The following CDH10 variants were observed in gnomAD, a reference collection of about 807,000 sequenced individuals.
CDH10 encodes the protein cadherin 10.
A neutral mutation model predicts 73.1 loss-of-function variants in CDH10; 30 were observed. The observed-to-expected ratio is 0.41, with a 90% confidence interval of 0.31 to 0.56. CDH10 has a LOEUF of 0.56. Among genes scored for constraint, CDH10 ranks in the 20% least tolerant of loss-of-function variants. The pLI is 0.27. For missense variants in CDH10, 815 were observed against 973.7 expected (o/e 0.84, Z 2.17); for synonymous variants, 345 against 348.2 (o/e 0.99, Z 0.10).
chr5:24,545,673 C>A (rs923418265), intron 2 of CDH10, among the ~76,000 whole-genome samples: 2 of 151,742 alleles, frequency 1.3e-5, no homozygotes, highest in African/African-American at 4.8e-5. Flanking sequence ...ATTAGCCAGT[C>A]ATGGTGGCAT....
chr5:24,613,118 A>G (rs1747004898), intron 1 of CDH10: 1 of 151,930 alleles, frequency 6.6e-6, no homozygotes, highest in African/African-American at 2.4e-5. Flanking sequence ...TTTTCATTCC[A>G]TTCCTACTGA....
intron 1 of CDH10, among the ~76,000 whole-genome samples, chr5:24,639,619 A>C (rs971745782): frequency 6.6e-5 from 10 of 151,750 alleles, no homozygotes; most frequent in Non-Finnish European, 1.2e-4. Flanking sequence ...TGGAAACAAA[A>C]GCAATGGTAG....
chr5:24,601,265 A>G (rs962782428), intron 1 of CDH10, among the ~76,000 whole-genome samples: 5 of 152,160 alleles, frequency 3.3e-5, no homozygotes, highest in Admixed American at 2.0e-4. Flanking sequence ...TTTTTCTCCC[A>G]TGGGTTAATA....
chr5:24,599,915 A>G (rs2112111643), intron 1 of CDH10, among the ~76,000 whole-genome samples: 1 of 152,272 alleles, frequency 6.6e-6, no homozygotes, highest in Non-Finnish European at 1.5e-5. Context: ...TCTTATCTCT[A>G]TGTGTAGTCC....
At chr5:24,616,080 T>G (rs1303774971) in intron 1 of CDH10, among the ~76,000 whole-genome samples, 1 of 151,970 alleles carries the variant, frequency 6.6e-6, no homozygotes, top group African/African-American at 2.4e-5. Context: ...TTAAAAAAAG[T>G]ATATATTTCA....
chr5:24,634,518 GA>G lies in CDH10; in HGVS notation c.-124+10075del, dbSNP rs906593595. Among the ~76,000 whole-genome samples the G allele has an allele frequency of 2.7e-5, 4 of 150,794 alleles. No homozygotes were observed. In the East Asian group the frequency reaches 7.8e-4, roughly 29 times the overall value. On this transcript the variant is annotated intron_variant, in intron 1 of 11. Transcript: ENST00000264463. ...TTGCCAAATATTATAGTGAAGTTGT[GA>G]AAAAAAACAATCCTATAAAATGGCC...
In CDH10 at chr5:24,505,155, T is replaced by C. The variant is rs2111726016; in HGVS notation, c.1350A>G (p.Glu450=). ...SLYTSKPLDR[E]LSQWHNLTVI... ...CAGTAAGATTATGCCACTGAGATAG[T>C]TCACGGTCAAGAGGTTTTGATGTAT... Residue 450 remains glutamate (E), a synonymous_variant, in exon 8 of 12, where the codon GAA becomes GAG. Transcript: ENST00000264463. 1 of 1,612,708 alleles carries C rather than the reference T, an allele frequency of 6.2e-7. No homozygotes were observed. Among genetic ancestry groups the C allele is most frequent in the East Asian group, 2.2e-5 (1 of 44,788 alleles).
chr5:24,551,245 A>G (rs1294293991), intron 2 of CDH10, among the ~76,000 whole-genome samples: 1 of 152,034 alleles, frequency 6.6e-6, no homozygotes, highest in Non-Finnish European at 1.5e-5. Context: ...CCTCACTTAT[A>G]ATTTTATAGA....
chr5:24,499,466 A>C (rs1191436688), intron 8 of CDH10: 1 of 152,624 alleles, frequency 6.6e-6, no homozygotes, highest in Non-Finnish European at 1.5e-5. Context: ...CAGGTGCATC[A>C]CTTGAGGTCA....
At position 24,537,713 on chromosome 5, in the gene CDH10, T is replaced by A. The variant is rs1744010521; in HGVS notation, c.232-39A>T. ...AAAAGAGTATATCCATGATCATGTA[T>A]AAAGGTGCAGGATGCTGAAAGAATT... On this transcript the variant is annotated intron_variant, in intron 2 of 11. Coordinates refer to ENST00000264463, the MANE Select transcript of CDH10 (RefSeq NM_006727.5). 3.8e-6 allele frequency: 5 copies of A among 1,318,960 alleles called. No individual in the cohort carries two copies. The East Asian group carries it at 1.2e-4, about 31-fold the overall frequency. The allele number at this position is 1,318,960 out of a possible 1,614,324, so 81.7% of individuals were successfully genotyped here.
chr5:24,627,995 G>A (rs1329666068), intron 1 of CDH10, among the ~76,000 whole-genome samples: 3 of 152,036 alleles, frequency 2.0e-5, no homozygotes, highest in African/African-American at 4.8e-5. Flanking sequence ...TTATGGCATC[G>A]TGGTAATAAC....
intron 5 of CDH10, among the ~76,000 whole-genome samples, chr5:24,526,163 C>T (rs1743524015): frequency 6.6e-6 from 1 of 151,916 alleles, no homozygotes; most frequent in African/African-American, 2.4e-5. Flanking sequence ...TTTATACCTA[C>T]TGAGGGATAC....
At chr5:24,508,902 A>C (rs1313384711) in intron 7 of CDH10, among the ~76,000 whole-genome samples, 2 of 152,192 alleles carry the variant, frequency 1.3e-5, no homozygotes, top group East Asian at 3.9e-4. Context: ...GTTTGGTTGC[A>C]TGTAAACGCA....
chr5:24,498,433 C>T lies in CDH10; in HGVS notation c.1480G>A (p.Asp494Asn), dbSNP rs182395109. The change falls in exon 9 of 12, where the codon GAC (aspartate) becomes AAC (asparagine). Residue 494 changes from aspartate (D) to asparagine (N), a missense_variant. By Grantham distance (23) the Asp-to-Asn change is conservative. Coordinates refer to ENST00000264463, the MANE Select transcript of CDH10 (RefSeq NM_006727.5). ...DNAPQFAVFY[D>N]TFVCENARPG... ...CTGGCATTTTCACATACAAAAGTGT[C>T]ATAGAACACAGCAAACTGTGGGGCA... The T allele has an allele frequency of 4.0e-5, 64 of 1,605,768 alleles. No homozygotes were observed. In the East Asian group the frequency reaches 1.4e-3, roughly 35 times the overall value.
At chr5:24,599,898 T>C (rs560403786) in intron 1 of CDH10, among the ~76,000 whole-genome samples, 145 of 152,264 alleles carry the variant, frequency 9.5e-4, no homozygotes, top group Non-Finnish European at 1.8e-3. Flanking sequence ...CACTTTTAGA[T>C]GGCCCGTCTT....
In CDH10 at chr5:24,492,832, CTG is replaced by C; in HGVS notation, c.1607_1608del (p.Thr536SerfsTer4). On this transcript the variant is annotated frameshift_variant, in exon 10 of 12. Coordinates refer to ENST00000264463, the MANE Select transcript of CDH10 (RefSeq NM_006727.5). LOFTEE classifies it high-confidence loss of function. ...FSLAAVNPNFTVQDNEDNTAR... is the reference protein window; with the variant it reads ...FSLAAVNPNFXVQDNEDNTAR... Reference sequence around the variant, plus strand: ...TAAAATTTACCTTCATTATCCTGTACTGTGAAGTTTGGATTGACAGCAGCTAA... The same window carrying C: ...TAAAATTTACCTTCATTATCCTGTACTGAAGTTTGGATTGACAGCAGCTAA... 1 of 1,476,580 alleles carries C rather than the reference CTG, an allele frequency of 6.8e-7. No homozygotes were observed. Among genetic ancestry groups the C allele is most frequent in the Non-Finnish European group, 9.5e-7 (1 of 1,054,944 alleles). 91.5% of individuals were successfully genotyped at this position (1,476,580 alleles called of 1,614,324 possible).
rs749021068 is a variant in CDH10 at position 24,505,159 on chromosome 5, C to A, written c.1346G>T (p.Arg449Leu). 1.2e-6 allele frequency: 2 copies of A among 1,611,998 alleles called. No homozygotes were observed. Among genetic ancestry groups the A allele is most frequent in the Non-Finnish European group, 1.7e-6 (2 of 1,178,358 alleles). The change falls in exon 8 of 12, where the codon CGT becomes CTT. Residue 449 changes from arginine (R) to leucine (L), a missense_variant. By Grantham distance (102) the Arg-to-Leu change is moderately radical. Coordinates refer to ENST00000264463, the MANE Select transcript of CDH10 (RefSeq NM_006727.5). The stretch of plus-strand genomic sequence containing the variant: ...AAGATTATGCCACTGAGATAGTTCA[C>A]GGTCAAGAGGTTTTGATGTATAAAG... ...GSLYTSKPLD[R>L]ELSQWHNLTV...
intron 5 of CDH10, among the ~76,000 whole-genome samples, chr5:24,534,367 A>G (rs1743862124): frequency 6.6e-6 from 1 of 152,090 alleles, no homozygotes; most frequent in South Asian, 2.1e-4. Flanking sequence ...CTTTTAGCAA[A>G]GCAAAAAATT....
intron 2 of CDH10, among the ~76,000 whole-genome samples, chr5:24,572,206 C>A (rs1464387027): frequency 1.3e-5 from 2 of 152,204 alleles, no homozygotes; most frequent in Non-Finnish European, 1.5e-5. Flanking sequence ...AGGAGCAGAG[C>A]TAGAGAAGTG....
Sources: allele counts gnomAD v4.1 joint callset (sites outside exome capture counted in the v4.1 genomes callset), GRCh38; gene constraint gnomAD v4.1.1; transcripts MANE v1.5; gene names NCBI Gene and HGNC (gene_info 2026-07-23, HGNC 2026-07-21).